Variants in STYX observed in about 807,000 individuals in gnomAD.
STYX encodes the protein serine/threonine/tyrosine-interacting protein.
STYX carries 20 observed loss-of-function variants against 42.7 expected under a neutral mutation model. The ratio of observed to expected loss-of-function variants is 0.47; its 90% CI spans 0.33 to 0.68. The LOEUF is 0.68. Ranked by LOEUF, STYX falls within the 30% of genes least tolerant of loss-of-function variation. The pLI, the probability that STYX is intolerant of heterozygous loss-of-function variation, is 0.02. For missense variants in STYX, 226 were observed against 268.5 expected (o/e 0.84, Z 1.11); for synonymous variants, 78 against 81.9 (o/e 0.95, Z 0.26).
chr14:52,754,792 A>G (rs1204685724), intron 4 of STYX, among the ~76,000 whole-genome samples: 6 of 152,208 alleles, frequency 3.9e-5, no homozygotes, highest in Non-Finnish European at 4.4e-5. Flanking sequence ...ATTCATTTCT[A>G]ATGTGTACAG....
At chr14:52,740,427 T>C (rs1323761068) in intron 1 of STYX, among the ~76,000 whole-genome samples, 5 of 152,352 alleles carry the variant, frequency 3.3e-5, no homozygotes, top group South Asian at 4.1e-4. Context: ...ACTGTATGTT[T>C]GCCGTAAAGT....
intron 2 of STYX, among the ~76,000 whole-genome samples, chr14:52,745,640 G>A (rs750862606): frequency 2.0e-5 from 3 of 152,126 alleles, no homozygotes; most frequent in Admixed American, 1.3e-4. Context: ...TTTCAGTTTG[G>A]AATGAATTAA....
chr14:52,772,856 CGTT>C lies in STYX; in HGVS notation c.*1753_*1755del, dbSNP rs960650537. The stretch of plus-strand genomic sequence containing the variant: ...TGTGAAAACAGCATATTGTTAATCT[CGTT>C]GTCGTCCAGTATTCTGCTTTGTGAT... On this transcript the variant is annotated 3_prime_UTR_variant, in exon 11 of 11. Coordinates refer to ENST00000354586, the MANE Select transcript of STYX (RefSeq NM_145251.4). The C allele has an allele frequency of 1.2e-4, 18 of 151,930 alleles. No individual in the cohort carries two copies. Among genetic ancestry groups the C allele is most frequent in the African/African-American group, 3.9e-4 (16 of 41,378 alleles). 9.4% of individuals were successfully genotyped at this position (151,930 alleles called of 1,614,324 possible).
intron 1 of STYX, 100 bp downstream of exon 1, chr14:52,730,631 C>T (rs941760760): frequency 1.4e-5 from 19 of 1,370,616 alleles, no homozygotes; most frequent in Middle Eastern, 2.1e-4. Flanking sequence ...CCTGTACGGG[C>T]GCCCTGCCTC....
intron 9 of STYX, among the ~76,000 whole-genome samples, chr14:52,767,555 A>G (rs1412982665): frequency 6.6e-6 from 1 of 151,974 alleles, no homozygotes; most frequent in Non-Finnish European, 1.5e-5. Context: ...ATTATTGGTC[A>G]TCTTTGAACT....
chr14:52,750,829 C>G (rs1398947183), intron 4 of STYX, 49 bp downstream of exon 4: 1 of 1,298,044 alleles, frequency 7.7e-7, no homozygotes, highest in Non-Finnish European at 1.1e-6. Flanking sequence ...AGTTTCATTT[C>G]AGGTTTTGTA....
rs749337851 is a variant in STYX, at chr14:52,771,274, C to T, written c.*168C>T. The T allele has an allele frequency of 3.2e-5, 18 of 568,942 alleles. No individual in the cohort carries two copies. The highest frequency in any genetic ancestry group is 5.1e-5 in the Non-Finnish European group (17 of 330,574). 35.2% of individuals were successfully genotyped at this position (568,942 alleles called of 1,614,324 possible). On this transcript the variant is annotated 3_prime_UTR_variant, in exon 11 of 11. Transcript: ENST00000354586. ...TTGAGCAACATTTTAAGATGTTGGA[C>T]TTCTGCAATAGATGACACTGATGGT...
intron 1 of STYX, among the ~76,000 whole-genome samples, chr14:52,735,136 A>G (rs1392218716): frequency 6.6e-6 from 1 of 152,042 alleles, no homozygotes; most frequent in East Asian, 1.9e-4. Context: ...AGGTATTATA[A>G]AGCATCAGAA....
chr14:52,750,168 G>A lies in STYX; in HGVS notation c.145-515G>A, dbSNP rs150457296. Among the ~76,000 whole-genome samples, 1,343 of 152,246 alleles carry A rather than the reference G, an allele frequency of 8.8e-3. 7 individuals are homozygous for A. Among genetic ancestry groups the A allele is most frequent in the Admixed American group, 0.016 (244 of 15,296 alleles). ...CAGGAAAATTTTTAAATGGTAAAAGGTTAATTAGATTCTGTGAAGTATGTA... is the reference window on the plus strand; with the variant it reads ...CAGGAAAATTTTTAAATGGTAAAAGATTAATTAGATTCTGTGAAGTATGTA... On this transcript the variant is annotated intron_variant, in intron 3 of 10. Coordinates refer to ENST00000354586, the MANE Select transcript of STYX (RefSeq NM_145251.4).
rs1555357857 is a variant in STYX, at chr14:52,730,527, C to G, written c.53C>G (p.Ala18Gly). Residue 18 changes from alanine (A) to glycine (G), a missense_variant, in exon 1 of 11, where the codon GCC becomes GGC. Coordinates refer to ENST00000354586, the MANE Select transcript of STYX (RefSeq NM_145251.4). The part of the protein sequence containing the change: ...FPSLPQCKED[A>G]EEWTYPMRRE... ...TCCCTTCCACAGTGCAAGGAAGACGCCGAGGTGAGTCGCTCCCGTGGCTGC... is the reference window on the plus strand; with the variant it reads ...TCCCTTCCACAGTGCAAGGAAGACGGCGAGGTGAGTCGCTCCCGTGGCTGC... 6.2e-7 allele frequency: 1 copy of G among 1,613,418 alleles called. No individual in the cohort carries two copies. Among genetic ancestry groups the G allele is most frequent in the African/African-American group, 1.3e-5 (1 of 75,026 alleles).
In STYX at chr14:52,771,992, C is replaced by G. The variant is rs1882529214; in HGVS notation, c.*886C>G. On this transcript the variant is annotated 3_prime_UTR_variant, in exon 11 of 11. Transcript: ENST00000354586. ...TGTCCAAAATGATTCTAAATAGAATCTAATAAACCAATGTAGCATTATTTT... is the reference window on the plus strand; with the variant it reads ...TGTCCAAAATGATTCTAAATAGAATGTAATAAACCAATGTAGCATTATTTT... The G allele has an allele frequency of 6.6e-6, 1 of 152,262 alleles. No homozygotes were observed. The highest frequency in any genetic ancestry group is 6.6e-5 in the Admixed American group (1 of 15,232). The allele number at this position is 152,262 out of a possible 1,614,324, so 9.4% of individuals were successfully genotyped here.
At chr14:52,765,760 G>A (rs868867044) in intron 9 of STYX, among the ~76,000 whole-genome samples, 4 of 152,106 alleles carry the variant, frequency 2.6e-5, no homozygotes, top group Non-Finnish European at 1.5e-5. Flanking sequence ...TAGATCCCTC[G>A]CATACCATAG....
rs377295596 is a variant in STYX at position 52,760,251 on chromosome 14, A to G, written c.504+497A>G. Among the ~76,000 whole-genome samples the G allele has an allele frequency of 1.6e-3, 245 of 152,332 alleles. 2 individuals carry two copies. The highest frequency in any genetic ancestry group is 5.7e-3 in the African/African-American group (235 of 41,570). On this transcript the variant is annotated intron_variant, in intron 9 of 10. Coordinates refer to ENST00000354586, the MANE Select transcript of STYX (RefSeq NM_145251.4). ...TCTTAAAGGCTGGCATTACCAAGAA[A>G]AAAGGGTTAAAGACACATTATCAAA...
At chr14:52,756,139 C>T (rs1420876812) in intron 4 of STYX, among the ~76,000 whole-genome samples, 3 of 152,130 alleles carry the variant, frequency 2.0e-5, no homozygotes, top group African/African-American at 7.2e-5. Context: ...CCTCAGCCCC[C>T]TTAGTAGCTG....
chr14:52,739,844 A>G (rs965089647), intron 1 of STYX, among the ~76,000 whole-genome samples: 5 of 151,266 alleles, frequency 3.3e-5, no homozygotes, highest in Non-Finnish European at 7.4e-5. Context: ...AGGTCTCCCT[A>G]TATTGCCCAG....
At chr14:52,750,123 G>A (rs761138914) in intron 3 of STYX, among the ~76,000 whole-genome samples, 1 of 152,148 alleles carries the variant, frequency 6.6e-6, no homozygotes, top group Non-Finnish European at 1.5e-5. Flanking sequence ...AGATGTCATT[G>A]AAGTTGCCAT....
At chr14:52,731,738 G>A (rs1880713061) in intron 1 of STYX, 1 of 151,810 alleles carries the variant, frequency 6.6e-6, no homozygotes, top group Admixed American at 6.6e-5. Context: ...CCCGGCCTAG[G>A]TTCACATTTT....
chr14:52,749,482 T>A (rs1881525793), intron 3 of STYX, among the ~76,000 whole-genome samples: 1 of 152,230 alleles, frequency 6.6e-6, no homozygotes, highest in African/African-American at 2.4e-5. Flanking sequence ...CAAGGTTATC[T>A]GATTCTCATG....
At chr14:52,730,614 G>A in intron 1 of STYX, 83 bp downstream of exon 1, 1 of 1,498,782 alleles carries the variant, frequency 6.7e-7, no homozygotes, top group South Asian at 1.2e-5. Flanking sequence ...AACCGTCTTA[G>A]CCGCCACCTG....
Sources: gnomAD v4.1 joint callset for allele counts (sites outside exome capture counted in the v4.1 genomes callset) on GRCh38, gnomAD v4.1.1 for gene constraint, MANE v1.5 for transcripts, NCBI Gene and HGNC (gene_info 2026-07-23, HGNC 2026-07-21) for gene names.